The following NOVA1 variants were observed in gnomAD, a reference collection of about 807,000 sequenced individuals.
NOVA1 encodes RNA-binding protein Nova-1.
In NOVA1, 7 loss-of-function variants were observed where a neutral mutation model predicts 38.0. The ratio of observed to expected loss-of-function variants is 0.18; its 90% CI spans 0.10 to 0.35. The LOEUF (loss-of-function observed/expected upper bound fraction) is 0.35. Ranked by LOEUF, NOVA1 falls within the 10% of genes least tolerant of loss-of-function variation. The probability of loss-of-function intolerance (pLI) is 1.00; values close to 1 mark genes in which losing one functional copy is unlikely to be tolerated. For missense variants in NOVA1, 460 were observed against 616.0 expected (o/e 0.75, Z 2.68); for synonymous variants, 270 against 232.5 (o/e 1.16, Z -1.47).
intron 2 of NOVA1, among the ~76,000 whole-genome samples, chr14:26,576,153 G>GTA (rs1892826840): frequency 6.6e-6 from 1 of 151,572 alleles, no homozygotes; most frequent in African/African-American, 2.4e-5. Context: ...CATCTACAAT[G>GTA]TGTGTGTATA....
At chr14:26,522,963 C>G (rs140292908) in intron 2 of NOVA1, among the ~76,000 whole-genome samples, 1 of 152,114 alleles carries the variant, frequency 6.6e-6, no homozygotes, top group Non-Finnish European at 1.5e-5. Context: ...TTCTAGTTGT[C>G]CTAAATTAGT....
chr14:26,458,312 A>T (rs1883348075), intron 4 of NOVA1, among the ~76,000 whole-genome samples: 2 of 152,150 alleles, frequency 1.3e-5, no homozygotes, highest in Admixed American at 1.3e-4. Flanking sequence ...TTGACCCAGC[A>T]ATCTCACCAC....
intron 2 of NOVA1, among the ~76,000 whole-genome samples, chr14:26,553,414 T>C (rs1891282911): frequency 6.6e-6 from 1 of 152,180 alleles, no homozygotes; most frequent in South Asian, 2.1e-4. Context: ...ATAGTGCTGT[T>C]GCTGAGAGTC....
At chr14:26,509,934 C>T (rs1295173574) in intron 2 of NOVA1, among the ~76,000 whole-genome samples, 2 of 152,170 alleles carry the variant, frequency 1.3e-5, no homozygotes, top group Non-Finnish European at 2.9e-5. Context: ...CCCGCCTCAG[C>T]CTCCCAAAGT....
At position 26,447,867 on chromosome 14, in the gene NOVA1, C is replaced by A. The variant is rs1362963257; in HGVS notation, c.*92G>T. The A allele has an allele frequency of 1.1e-6, 1 of 885,674 alleles. No homozygotes were observed. The highest frequency in any genetic ancestry group is 2.5e-5 in the East Asian group (1 of 39,972). 54.9% of individuals were successfully genotyped at this position (885,674 alleles called of 1,614,324 possible). The stretch of plus-strand genomic sequence containing the variant: ...CATTTGCATAATTATATATTAATAA[C>A]AGAAAAACTTCACTTCTGCAAAGTA... On this transcript the variant is annotated 3_prime_UTR_variant, in exon 5 of 5. Transcript: ENST00000539517.
chr14:26,535,548 CT>C (rs2138572595), intron 2 of NOVA1, among the ~76,000 whole-genome samples: 1 of 152,144 alleles, frequency 6.6e-6, no homozygotes, highest in Non-Finnish European at 1.5e-5. Context: ...ATAAATAGCC[CT>C]TTCTCAAAAA....
At chr14:26,536,615 A>T (rs1430372278) in intron 2 of NOVA1, among the ~76,000 whole-genome samples, 1 of 152,068 alleles carries the variant, frequency 6.6e-6, no homozygotes, top group Non-Finnish European at 1.5e-5. Context: ...CCAAATCTTA[A>T]ATTCTATATA....
Position 26,597,509 on chromosome 14 carries a change from T to TTC in NOVA1, c.-74_-73insGA, listed in dbSNP as rs1555332978. 1.6e-6 allele frequency: 1 copy of TTC among 633,910 alleles called. No individual in the cohort carries two copies. Among genetic ancestry groups the TTC allele is most frequent in the East Asian group, 8.7e-5 (1 of 11,524 alleles). 39.3% of individuals were successfully genotyped at this position (633,910 alleles called of 1,614,324 possible). A position where few individuals can be genotyped will look rare whatever the true frequency, so the allele number is the denominator to read the frequency against. On this transcript the variant is annotated 5_prime_UTR_variant, in exon 1 of 5. Coordinates refer to ENST00000539517, the MANE Select transcript of NOVA1 (RefSeq NM_002515.3). ...TTTGGCTTTTTCTTTTCTTTTTTCT[T>TTC]TTTTTTTTTTTTTTTTTTTTGCGTT...
At chr14:26,473,989 A>G (rs895714166) in intron 3 of NOVA1, among the ~76,000 whole-genome samples, 2 of 151,954 alleles carry the variant, frequency 1.3e-5, no homozygotes, top group Non-Finnish European at 2.9e-5. Flanking sequence ...TTTCCATGCA[A>G]TACTTTGCTG....
At chr14:26,453,772 C>T (rs138634070) in intron 4 of NOVA1, among the ~76,000 whole-genome samples, 2 of 152,136 alleles carry the variant, frequency 1.3e-5, no homozygotes, top group East Asian at 3.9e-4. Flanking sequence ...TTAATAAAAC[C>T]ACATATTGAA....
intron 2 of NOVA1, among the ~76,000 whole-genome samples, chr14:26,516,906 C>CTTTTT: frequency 7.4e-6 from 1 of 135,618 alleles, no homozygotes; most frequent in South Asian, 2.3e-4. Context: ...GACTTTGCCT[C>CTTTTT]TTTTTTTTTT....
chr14:26,539,721 C>T (rs1050554162), intron 2 of NOVA1, among the ~76,000 whole-genome samples: 1 of 151,666 alleles, frequency 6.6e-6, no homozygotes, highest in Non-Finnish European at 1.5e-5. Flanking sequence ...TTATATAACA[C>T]TGACAACTCA....
intron 2 of NOVA1, among the ~76,000 whole-genome samples, chr14:26,517,514 A>T (rs1888557600): frequency 6.6e-6 from 1 of 152,270 alleles, no homozygotes; most frequent in Middle Eastern, 3.4e-3. Context: ...ACATGTAATA[A>T]GAGTTCATTA....
intron 2 of NOVA1, among the ~76,000 whole-genome samples, chr14:26,484,447 A>C (rs1049727359): frequency 6.6e-5 from 10 of 151,374 alleles, no homozygotes; most frequent in South Asian, 4.2e-4. Context: ...AAAAAAAAAA[A>C]AAAAAAAAAA....
chr14:26,518,453 C>T lies in NOVA1; in HGVS notation c.281-38310G>A, dbSNP rs148839757. 2.4e-4 allele frequency among the ~76,000 whole-genome samples: 36 copies of T among 152,062 alleles called. No individual in the cohort carries two copies. The East Asian group carries it at 5.6e-3, about 24-fold the overall frequency. ...ATAACACCTTATCACTTTAATGCTA[C>T]GACAAATCATTTGAAATTTCACATT... On this transcript the variant is annotated intron_variant, in intron 2 of 4. Coordinates refer to ENST00000539517, the MANE Select transcript of NOVA1 (RefSeq NM_002515.3).
intron 2 of NOVA1, among the ~76,000 whole-genome samples, chr14:26,501,771 G>C (rs1482673640): frequency 1.3e-5 from 2 of 151,684 alleles, no homozygotes; most frequent in Non-Finnish European, 3.0e-5. Context: ...ATTTTGAGGA[G>C]AAAAAAATTT....
chr14:26,554,708 A>G (rs1891378470), intron 2 of NOVA1, among the ~76,000 whole-genome samples: 1 of 152,152 alleles, frequency 6.6e-6, no homozygotes, highest in Non-Finnish European at 1.5e-5. Flanking sequence ...CCCAATTCAT[A>G]CTGTATTATA....
intron 2 of NOVA1, among the ~76,000 whole-genome samples, chr14:26,559,012 G>A (rs918342181): frequency 1.8e-4 from 28 of 152,088 alleles, no homozygotes; most frequent in African/African-American, 6.7e-4. Flanking sequence ...CTTATAGGGA[G>A]AAGATCATTT....
At chr14:26,455,917 T>G (rs916051729) in intron 4 of NOVA1, among the ~76,000 whole-genome samples, 46 of 152,146 alleles carry the variant, frequency 3.0e-4, no homozygotes, top group Middle Eastern at 3.4e-3. Flanking sequence ...TGGGGTATTG[T>G]CTTCTTAATG....
Sources: allele counts gnomAD v4.1 joint callset (sites outside exome capture counted in the v4.1 genomes callset), GRCh38; gene constraint gnomAD v4.1.1; transcripts MANE v1.5; gene names NCBI Gene and HGNC (gene_info 2026-07-23, HGNC 2026-07-21).